PUM2: variants seen among roughly 807,000 people sequenced by gnomAD.
PUM2 encodes the protein pumilio homolog 2.
In PUM2, 57 loss-of-function variants were observed where a neutral mutation model predicts 124.5. The ratio of observed to expected loss-of-function variants is 0.46; its 90% CI spans 0.37 to 0.57. The LOEUF (loss-of-function observed/expected upper bound fraction) is 0.57. PUM2 is among the 20% of genes least tolerant of loss of function. PUM2 has a pLI of 0.00. For synonymous variants in PUM2, 460 were observed against 446.1 expected (o/e 1.03, Z -0.39); for missense variants, 1,065 against 1,290.6 (o/e 0.83, Z 2.68).
At chr2:20,293,714 ATAAAAT>A (rs1367699997) in intron 9 of PUM2, among the ~76,000 whole-genome samples, 1 of 152,080 alleles carries the variant, frequency 6.6e-6, no homozygotes, top group African/African-American at 2.4e-5. Context: ...AAAAATAAAA[ATAAAAT>A]AAAATAAAAA....
chr2:20,288,164 G>A (rs1673152631), intron 10 of PUM2, among the ~76,000 whole-genome samples: 1 of 152,154 alleles, frequency 6.6e-6, no homozygotes, highest in Admixed American at 6.5e-5. Context: ...TGGAAATACA[G>A]CAAATCTGAC....
In PUM2 at chr2:20,334,621, T is replaced by C. The variant is rs529402863; in HGVS notation, c.-18-7243A>G. 2.0e-5 allele frequency among the ~76,000 whole-genome samples: 3 copies of C among 152,340 alleles called. No individual in the cohort carries two copies. In the East Asian group the frequency reaches 5.8e-4, roughly 29 times the overall value. On this transcript the variant is annotated intron_variant, in intron 1 of 20. Coordinates refer to ENST00000361078, the MANE Select transcript of PUM2 (RefSeq NM_015317.5). ...TGTGAATTCCGATCATAAAATCAATTAGTATCTGGATAGTGACTAAGTATT... is the reference window on the plus strand; with the variant it reads ...TGTGAATTCCGATCATAAAATCAATCAGTATCTGGATAGTGACTAAGTATT...
At chr2:20,286,342 C>T (rs890458647) in intron 10 of PUM2, among the ~76,000 whole-genome samples, 9 of 152,048 alleles carry the variant, frequency 5.9e-5, no homozygotes, top group Non-Finnish European at 1.2e-4. Flanking sequence ...TGAAATTAGA[C>T]GTGGGATGTG....
chr2:20,281,782 G>A (rs1377829901), intron 12 of PUM2, among the ~76,000 whole-genome samples: 2 of 152,168 alleles, frequency 1.3e-5, no homozygotes, highest in African/African-American at 4.8e-5. Context: ...TTTTGTGTCA[G>A]TCCAATATGA....
rs766087944 is a variant in PUM2, at chr2:20,249,128, GGTTTA to G, written c.*2452_*2456del. The stretch of plus-strand genomic sequence containing the variant: ...ATGAGTATCAGGACCCCAAGAAGAG[GGTTTA>G]GTTTCTCAATGTAGTATTCTCTACT... On this transcript the variant is annotated 3_prime_UTR_variant, in exon 21 of 21. Transcript: ENST00000361078. 1.3e-5 allele frequency: 2 copies of G among 152,116 alleles called. No individual in the cohort carries two copies. Among genetic ancestry groups the G allele is most frequent in the East Asian group, 1.9e-4 (1 of 5,206 alleles). The allele number at this position is 152,116 out of a possible 1,614,324, so 9.4% of individuals were successfully genotyped here.
At chr2:20,303,696 C>T (rs6531227) in intron 7 of PUM2, among the ~76,000 whole-genome samples, 126,537 of 152,156 alleles carry the variant, frequency 0.83, 53,013 homozygotes, top group East Asian at 0.94. Flanking sequence ...TCTTGATTAC[C>T]ATAGGGAATT....
rs770889521 is a variant in PUM2 at position 20,311,609 on chromosome 2, C to G, written c.403G>C (p.Ala135Pro). The G allele has an allele frequency of 5.6e-6, 9 of 1,613,318 alleles. No individual in the cohort carries two copies. Among genetic ancestry groups the G allele is most frequent in the Admixed American group, 3.3e-5 (2 of 59,918 alleles). ...TTTTGGTCCTCCTCAAATGGAGAAG[C>G]CTTGCCTTTTTGATCTCCTTTCTCA... ...GPEKGDQKGK[A>P]SPFEEDQNRD... Residue 135 changes from alanine to proline, a missense_variant, in exon 5 of 21, where the codon GCT (alanine) becomes CCT (proline). This residue lies in a region of PUM2 where 968 missense variants were observed against 1,159.8 expected (regional missense o/e 0.83). Coordinates refer to ENST00000361078, the MANE Select transcript of PUM2 (RefSeq NM_015317.5).
chr2:20,347,780 A>AT, intron 1 of PUM2, among the ~76,000 whole-genome samples: 1 of 152,182 alleles, frequency 6.6e-6, no homozygotes, highest in Admixed American at 6.5e-5. Context: ...AACACACTCC[A>AT]TAATTATTCT....
rs1666819786 is a variant in PUM2, at chr2:20,263,594, T to C, written c.1958-134A>G. On this transcript the variant is annotated intron_variant, in intron 13 of 20. Transcript: ENST00000361078. ...ATTCCTACTTGTTATGACAGAAAAT[T>C]AAAATTGGGAGGGGAAAATCTCACC... 3.6e-6 allele frequency: 4 copies of C among 1,098,682 alleles called. No homozygotes were observed. The East Asian group carries it at 7.6e-5, about 21-fold the overall frequency. 68.1% of individuals were successfully genotyped at this position (1,098,682 alleles called of 1,614,324 possible).
Position 20,312,382 on chromosome 2 carries a change from C to T in PUM2, c.202G>A (p.Gly68Arg), listed in dbSNP as rs1679806837. 6.2e-7 allele frequency: 1 copy of T among 1,613,624 alleles called. No individual in the cohort carries two copies. The highest frequency in any genetic ancestry group is 8.5e-7 in the Non-Finnish European group (1 of 1,179,832). Reference protein sequence around the residue: ...SQPIMVQRRSGQGFHGNSEVN... With the variant: ...SQPIMVQRRSRQGFHGNSEVN... ...TCACTGTTTCCATGAAAACCCTGTC[C>T]AGATCTTCTCTGTACCATAATAGGC... Residue 68 changes from glycine to arginine, a missense_variant, in exon 4 of 21, where the codon GGA becomes AGA. Around this residue, in one of 3 missense-constraint regions of PUM2, gnomAD observed 90 missense variants for 103.6 expected, o/e 0.87. Coordinates refer to ENST00000361078, the MANE Select transcript of PUM2 (RefSeq NM_015317.5).
rs1045902219 is a variant in PUM2 at position 20,279,211 on chromosome 2, TCTTAGA to T, written c.1721-398_1721-393del. 8.5e-4 allele frequency among the ~76,000 whole-genome samples: 129 copies of T among 152,298 alleles called. 1 individual carries two copies. Among genetic ancestry groups the T allele is most frequent in the African/African-American group, 3.1e-3 (127 of 41,582 alleles). ...AGTATCCTAATCTCTGAAACCTGCT[TCTTAGA>T]CTTTAACTCAATGCCAAGAAAAGAT... On this transcript the variant is annotated intron_variant, in intron 12 of 20. Coordinates refer to ENST00000361078, the MANE Select transcript of PUM2 (RefSeq NM_015317.5).
In PUM2 at chr2:20,256,075, C is replaced by G. The variant is rs1664695488; in HGVS notation, c.2580G>C (p.Gln860His). 2 of 1,599,092 alleles carry G rather than the reference C, an allele frequency of 1.3e-6. No individual in the cohort carries two copies. The highest frequency in any genetic ancestry group is 1.7e-6 in the Non-Finnish European group (2 of 1,174,828). ...HVVQKCIECV[Q>H]PQSLQFIIDA... ...CAATGATGAACTGTAGTGACTGTGG[C>G]TGAACACATTCGATACATTTTTGTA... is the stretch of plus-strand genomic sequence containing the variant. The change falls in exon 17 of 21, where the codon CAG (glutamine) becomes CAC (histidine). Residue 860 changes from glutamine (Q) to histidine (H), a missense_variant. Gln to His is a conservative substitution (Grantham distance 24). This residue lies in a region of PUM2 where 968 missense variants were observed against 1,159.8 expected (regional missense o/e 0.83). Transcript: ENST00000361078.
intron 13 of PUM2, among the ~76,000 whole-genome samples, chr2:20,265,592 G>A (rs1285865124): frequency 6.7e-6 from 1 of 149,906 alleles, no homozygotes; most frequent in Non-Finnish European, 1.5e-5. Flanking sequence ...TTTCAATTTG[G>A]TTAAAATTTT....
In PUM2 at chr2:20,249,080, T is replaced by C. The variant is rs1572491957; in HGVS notation, c.*2505A>G. On this transcript the variant is annotated 3_prime_UTR_variant, in exon 21 of 21. Transcript: ENST00000361078. ...CCTGAAAGTATTGGGAAGATTGGGT[T>C]GTCAGCACTGGGACAAATGGGAATG... 6.6e-6 allele frequency: 1 copy of C among 152,376 alleles called. No individual in the cohort carries two copies. The highest frequency in any genetic ancestry group is 1.9e-4 in the East Asian group (1 of 5,192). The allele number at this position is 152,376 out of a possible 1,614,324, so 9.4% of individuals were successfully genotyped here.
At chr2:20,306,074 G>A (rs1037955078) in intron 7 of PUM2, among the ~76,000 whole-genome samples, 1 of 151,974 alleles carries the variant, frequency 6.6e-6, no homozygotes, top group East Asian at 1.9e-4. Flanking sequence ...GTGTGGTGGC[G>A]TGCACCTGTG....
chr2:20,344,020 C>T (rs182802328), intron 1 of PUM2, among the ~76,000 whole-genome samples: 5 of 152,210 alleles, frequency 3.3e-5, no homozygotes, highest in Admixed American at 6.5e-5. Flanking sequence ...TCAACATTAC[C>T]ATTAACAGAT....
chr2:20,322,411 T>A (rs1228327198), intron 2 of PUM2, among the ~76,000 whole-genome samples: 1 of 152,000 alleles, frequency 6.6e-6, no homozygotes, highest in African/African-American at 2.4e-5. Flanking sequence ...TGTGAGACCC[T>A]GTCTCTTTTA....
In PUM2 at chr2:20,327,291, A is replaced by G; in HGVS notation, c.51+19T>C. 1.3e-6 allele frequency: 2 copies of G among 1,489,548 alleles called. No homozygotes were observed. The highest frequency in any genetic ancestry group is 2.3e-5 in the South Asian group (2 of 85,944). The allele number at this position is 1,489,548 out of a possible 1,614,324, so 92.3% of individuals were successfully genotyped here. A position where few individuals can be genotyped will look rare whatever the true frequency, so the allele number is the denominator to read the frequency against. On this transcript the variant is annotated intron_variant, in intron 2 of 20. Transcript: ENST00000361078. The stretch of plus-strand genomic sequence containing the variant: ...AAAATAAAGTGAGGTGTAAGTTCTT[A>G]GTATTTGCAAACATTTACCTCTCCC...
chr2:20,270,967 T>C (rs910778471), intron 13 of PUM2, among the ~76,000 whole-genome samples: 2 of 152,166 alleles, frequency 1.3e-5, no homozygotes, highest in Non-Finnish European at 2.9e-5. Flanking sequence ...GAAATCACTA[T>C]GTTTCTACAG....
Sources: allele counts gnomAD v4.1 joint callset (sites outside exome capture counted in the v4.1 genomes callset), GRCh38; gene constraint gnomAD v4.1.1; regional missense constraint gnomAD v4.1.1; transcripts MANE v1.5; gene names NCBI Gene and HGNC (gene_info 2026-07-23, HGNC 2026-07-21).